Variants in NRXN3 observed in about 807,000 individuals in gnomAD.
NRXN3 encodes neurexin 3.
Under a neutral mutation model 137.6 loss-of-function variants are expected in NRXN3, and 32 were observed. That is an observed-to-expected ratio of 0.23 (90% CI 0.18 to 0.31). The LOEUF is 0.31. NRXN3 is among the 10% of genes least tolerant of loss of function. The pLI is 1.00. For synonymous variants in NRXN3, 798 were observed against 784.5 expected, an observed-to-expected ratio of 1.02 and a Z score of -0.29; for missense variants, 1,574 against 2,062.5, an observed-to-expected ratio of 0.76 and a Z score of 4.59.
chr14:79,327,486 G>A (rs143435868), intron 15 of NRXN3, among the ~76,000 whole-genome samples: 2 of 152,170 alleles, frequency 1.3e-5, no homozygotes, highest in Admixed American at 1.3e-4. Flanking sequence ...AATGGCTGGC[G>A]GAAATAAGGG....
chr14:79,446,098 A>T (rs1468905293), intron 15 of NRXN3, among the ~76,000 whole-genome samples: 2 of 152,198 alleles, frequency 1.3e-5, no homozygotes, highest in African/African-American at 2.4e-5. Flanking sequence ...CTTACATCTT[A>T]TTGAGGAGAG....
At chr14:79,517,727 C>T (rs1028259721) in intron 16 of NRXN3, among the ~76,000 whole-genome samples, 1 of 151,810 alleles carries the variant, frequency 6.6e-6, no homozygotes, top group African/African-American at 2.4e-5. Context: ...TCATCATTTC[C>T]CATTTAAGCC....
chr14:78,613,693 G>C (rs552734665), intron 4 of NRXN3, among the ~76,000 whole-genome samples: 3 of 151,458 alleles, frequency 2.0e-5, no homozygotes, highest in Non-Finnish European at 4.4e-5. Flanking sequence ...GAAATTGGTG[G>C]AGAACTTTGG....
intron 16 of NRXN3, among the ~76,000 whole-genome samples, chr14:79,565,921 G>A (rs961897013): frequency 2.0e-5 from 3 of 152,122 alleles, no homozygotes; most frequent in African/African-American, 4.8e-5. Context: ...ATTCAATTTA[G>A]AGCAAGAATG....
chr14:79,286,132 T>C (rs1368846322), intron 15 of NRXN3, among the ~76,000 whole-genome samples: 2 of 152,164 alleles, frequency 1.3e-5, no homozygotes, highest in Non-Finnish European at 2.9e-5. Context: ...TATTTGCACA[T>C]AGACTAATTC....
At chr14:79,130,893 T>G (rs560519882) in intron 15 of NRXN3, among the ~76,000 whole-genome samples, 1 of 152,106 alleles carries the variant, frequency 6.6e-6, no homozygotes, top group Non-Finnish European at 1.5e-5. Flanking sequence ...TATTCTTTTT[T>G]CTCTAAACTT....
chr14:79,270,367 G>A (rs775417586), intron 15 of NRXN3, among the ~76,000 whole-genome samples: 9 of 152,160 alleles, frequency 5.9e-5, no homozygotes, highest in Non-Finnish European at 1.2e-4. Flanking sequence ...CGATAGTATT[G>A]CACAAATATC....
chr14:78,848,141 G>C (rs1158575187), intron 10 of NRXN3, among the ~76,000 whole-genome samples: 1 of 152,108 alleles, frequency 6.6e-6, no homozygotes, highest in Non-Finnish European at 1.5e-5. Context: ...GCAGATGTGG[G>C]CTTTGGTATC....
intron 10 of NRXN3, among the ~76,000 whole-genome samples, chr14:78,874,313 G>C (rs933162719): frequency 6.6e-6 from 1 of 152,030 alleles, no homozygotes; most frequent in African/African-American, 2.4e-5. Flanking sequence ...GAACCTTGAA[G>C]GGGATTATTT....
At chr14:79,263,548 A>G (rs1398787164) in intron 15 of NRXN3, among the ~76,000 whole-genome samples, 1 of 152,100 alleles carries the variant, frequency 6.6e-6, no homozygotes, top group African/African-American at 2.4e-5. Context: ...ACTTGTTTCT[A>G]TCCATTTTTG....
chr14:79,426,543 T>C (rs1300626025), intron 15 of NRXN3, among the ~76,000 whole-genome samples: 1 of 152,248 alleles, frequency 6.6e-6, no homozygotes, highest in East Asian at 1.9e-4. Flanking sequence ...CTATTGATCT[T>C]GGCTTTGTGA....
chr14:79,201,173 C>A (rs937055404), intron 15 of NRXN3: 3 of 152,044 alleles, frequency 2.0e-5, no homozygotes, highest in Non-Finnish European at 4.4e-5. Flanking sequence ...ATGATGATGA[C>A]CCTTTTGGGA....
In NRXN3 at chr14:79,375,386, T is replaced by C. The variant is rs530309458; in HGVS notation, c.3263-91835T>C. Among the ~76,000 whole-genome samples, 19 of 148,258 alleles carry C rather than the reference T, an allele frequency of 1.3e-4. No individual in the cohort carries two copies. In the South Asian group the frequency reaches 3.2e-3, roughly 25 times the overall value. On this transcript the variant is annotated intron_variant, in intron 15 of 20. Transcript: ENST00000335750. ...GTTTTGACTCTGCAGGGAAATGACA[T>C]AGAGAAAATAAGGAATGGATCGTAC...
chr14:78,527,460 A>T (rs886693406), intron 4 of NRXN3, among the ~76,000 whole-genome samples: 8 of 152,100 alleles, frequency 5.3e-5, no homozygotes, highest in African/African-American at 1.9e-4. Flanking sequence ...CATTCATGAG[A>T]ACTCCACTCC....
rs1210921014 is a variant in NRXN3, at chr14:79,863,200, T to C, written c.*1236T>C. The stretch of plus-strand genomic sequence containing the variant: ...GTTTAATTTTGTAGCCTGACATTTA[T>C]GGATAACTCTGTCCTTCCATTTGCT... On this transcript the variant is annotated 3_prime_UTR_variant, in exon 21 of 21. Transcript: ENST00000335750. 2 of 152,588 alleles carry C rather than the reference T, an allele frequency of 1.3e-5. No individual in the cohort carries two copies. The highest frequency in any genetic ancestry group is 3.8e-4 in the East Asian group (2 of 5,198). The allele number at this position is 152,588 out of a possible 1,614,324, so 9.5% of individuals were successfully genotyped here.
At chr14:78,251,972 A>G (rs530963702) in intron 2 of NRXN3, among the ~76,000 whole-genome samples, 29 of 152,124 alleles carry the variant, frequency 1.9e-4, no homozygotes, top group African/African-American at 5.3e-4. Context: ...TCCCTGGTCT[A>G]TTTGGGAACT....
chr14:78,906,912 A>G (rs564655772), intron 10 of NRXN3, among the ~76,000 whole-genome samples: 87 of 152,026 alleles, frequency 5.7e-4, no homozygotes, highest in African/African-American at 2.1e-3. Context: ...GACTTGGGGC[A>G]TGTGCTCATT....
At chr14:79,133,114 G>A (rs1327274581) in intron 15 of NRXN3, among the ~76,000 whole-genome samples, 2 of 152,188 alleles carry the variant, frequency 1.3e-5, no homozygotes. Flanking sequence ...AGGGTGAGCT[G>A]GGCAGCACAT....
At position 79,230,689 on chromosome 14, in the gene NRXN3, G is replaced by A. The variant is rs562232832; in HGVS notation, c.3263-236532G>A. On this transcript the variant is annotated intron_variant, in intron 15 of 20. Coordinates refer to ENST00000335750, the MANE Select transcript of NRXN3 (RefSeq NM_001330195.2). Reference sequence around the variant, plus strand: ...TATCCTAATTAATTCATTTCATGGAGCAAGCATCTTTGTGATTCTCTCTTC... The same window carrying A: ...TATCCTAATTAATTCATTTCATGGAACAAGCATCTTTGTGATTCTCTCTTC... Among the ~76,000 whole-genome samples the A allele has an allele frequency of 2.0e-5, 3 of 152,248 alleles. No individual in the cohort carries two copies. The South Asian group carries it at 6.2e-4, about 32-fold the overall frequency.
Sources: allele counts gnomAD v4.1 joint callset (sites outside exome capture counted in the v4.1 genomes callset), GRCh38; gene constraint gnomAD v4.1.1; transcripts MANE v1.5; gene names NCBI Gene and HGNC (gene_info 2026-07-23, HGNC 2026-07-21).